SP9: variants seen among roughly 807,000 people sequenced by gnomAD.
SP9 encodes transcription factor Sp9.
SP9 carries 5 observed loss-of-function variants against 23.0 expected under a neutral mutation model. That is an observed-to-expected ratio of 0.22 (90% CI 0.11 to 0.46). The LOEUF (loss-of-function observed/expected upper bound fraction) is 0.46. Among genes scored for constraint, SP9 ranks in the 20% least tolerant of loss-of-function variants. The pLI is 0.99. For missense variants in SP9, 542 were observed against 724.0 expected (o/e 0.75, Z 2.88); for synonymous variants, 360 against 356.5 (o/e 1.01, Z -0.11).
Position 174,336,978 on chromosome 2 carries a change from C to T in SP9, c.893C>T (p.Ser298Phe). 7.0e-7 allele frequency: 1 copy of T among 1,431,450 alleles called. No individual in the cohort carries two copies. Among genetic ancestry groups the T allele is most frequent in the East Asian group, 2.9e-5 (1 of 34,026 alleles). The allele number at this position is 1,431,450 out of a possible 1,614,324, so 88.7% of individuals were successfully genotyped here. ...GCCGCCGGGGGGAGCTCGGCACGCT[C>T]TGCCCGCCGCTACTCGGGCCGCGCC... ...AAAAGGSSARSARRYSGRATC... is the reference protein window; with the variant it reads ...AAAAGGSSARFARRYSGRATC... The change falls in exon 2 of 2, where the codon TCT becomes TTT. Residue 298 changes from serine (S) to phenylalanine (F), a missense_variant. By Grantham distance (155) the Ser-to-Phe change is radical. Transcript: ENST00000394967.
Position 174,337,271 on chromosome 2 carries a change from G to A in SP9, c.1186G>A (p.Val396Met), listed in dbSNP as rs761751792. ...HTGEKRFACP[V>M]CNKRFMRSDH... Reference sequence around the variant, plus strand: ...GGGCGAGAAGCGCTTCGCCTGTCCGGTGTGCAACAAGCGCTTCATGCGCAG... The same window carrying A: ...GGGCGAGAAGCGCTTCGCCTGTCCGATGTGCAACAAGCGCTTCATGCGCAG... The change falls in exon 2 of 2, where the codon GTG (valine) becomes ATG (methionine). Residue 396 changes from valine (V) to methionine (M), a missense_variant. Physicochemically the swap from Val to Met is conservative, Grantham distance 21 (BLOSUM62 1). Coordinates refer to ENST00000394967, the MANE Select transcript of SP9 (RefSeq NM_001145250.2). 50 of 1,562,830 alleles carry A rather than the reference G, an allele frequency of 3.2e-5. No homozygotes were observed. Among genetic ancestry groups the A allele is most frequent in the East Asian group, 4.8e-5 (2 of 41,602 alleles).
chr2:174,336,860 G>A lies in SP9; in HGVS notation c.775G>A (p.Gly259Ser). 1 of 1,522,054 alleles carries A rather than the reference G, an allele frequency of 6.6e-7. No individual in the cohort carries two copies. The highest frequency in any genetic ancestry group is 8.8e-7 in the Non-Finnish European group (1 of 1,141,022). The allele number at this position is 1,522,054 out of a possible 1,614,324, so 94.3% of individuals were successfully genotyped here. A position where few individuals can be genotyped will look rare whatever the true frequency, so the allele number is the denominator to read the frequency against. Reference sequence around the variant, plus strand: ...CAGCCAGCACCTGCTGGCCCAGGACGGCTTCAAGCCGGTGTTGCCCTCCTA... The same window carrying A: ...CAGCCAGCACCTGCTGGCCCAGGACAGCTTCAAGCCGGTGTTGCCCTCCTA... ...STSQHLLAQDGFKPVLPSYSD... is the reference protein window; with the variant it reads ...STSQHLLAQDSFKPVLPSYSD... Residue 259 changes from glycine (G) to serine (S), a missense_variant, in exon 2 of 2, where the codon GGC becomes AGC. By Grantham distance (56) the Gly-to-Ser change is moderately conservative. This residue lies in a region of SP9 where 144 missense variants were observed against 158.7 expected (regional missense o/e 0.91). Transcript: ENST00000394967.
rs2105511058 is a variant in SP9 at position 174,338,416 on chromosome 2, AAAG to A, written c.*879_*881del. ...ACAAACACGTAAGTTAAGGTCATCT[AAAG>A]AAATTAAATGCGTTTATCTGTATCA... On this transcript the variant is annotated 3_prime_UTR_variant, in exon 2 of 2. Coordinates refer to ENST00000394967, the MANE Select transcript of SP9 (RefSeq NM_001145250.2). The A allele has an allele frequency of 6.6e-6, 1 of 152,364 alleles. No homozygotes were observed. Among genetic ancestry groups the A allele is most frequent in the Non-Finnish European group, 1.5e-5 (1 of 68,040 alleles). 9.4% of individuals were successfully genotyped at this position (152,364 alleles called of 1,614,324 possible).
chr2:174,337,709 C>G lies in SP9; in HGVS notation c.*169C>G, dbSNP rs148688134. On this transcript the variant is annotated 3_prime_UTR_variant, in exon 2 of 2. Transcript: ENST00000394967. Reference sequence around the variant, plus strand: ...CTCAGGGCTCCCGGGCTGCGGTTCGCCCGCTGTGCGAGGAGCTCCCCTCTG... The same window carrying G: ...CTCAGGGCTCCCGGGCTGCGGTTCGGCCGCTGTGCGAGGAGCTCCCCTCTG... 243 of 875,930 alleles carry G rather than the reference C, an allele frequency of 2.8e-4. 1 individual carries two copies. The African/African-American group carries it at 4.0e-3, about 15-fold the overall frequency. The allele number at this position is 875,930 out of a possible 1,614,324, so 54.3% of individuals were successfully genotyped here. A position where few individuals can be genotyped will look rare whatever the true frequency, so the allele number is the denominator to read the frequency against.
In SP9 at chr2:174,336,969, C is replaced by T. The variant is rs1178155508; in HGVS notation, c.884C>T (p.Ser295Leu). 1.4e-6 allele frequency: 2 copies of T among 1,433,390 alleles called. No individual in the cohort carries two copies. Among genetic ancestry groups the T allele is most frequent in the Non-Finnish European group, 1.8e-6 (2 of 1,105,488 alleles). The allele number at this position is 1,433,390 out of a possible 1,614,324, so 88.8% of individuals were successfully genotyped here. A position where few individuals can be genotyped will look rare whatever the true frequency, so the allele number is the denominator to read the frequency against. The change falls in exon 2 of 2, where the codon TCG (serine) becomes TTG (leucine). Residue 295 changes from serine to leucine, a missense_variant. This residue lies in a region of SP9 where 56 missense variants were observed against 97.8 expected (regional missense o/e 0.57). Coordinates refer to ENST00000394967, the MANE Select transcript of SP9 (RefSeq NM_001145250.2). ...GAAAAAAGGS[S>L]ARSARRYSGR... ...GCGGCTGCCGCCGCCGGGGGGAGCTCGGCACGCTCTGCCCGCCGCTACTCG... is the reference window on the plus strand; with the variant it reads ...GCGGCTGCCGCCGCCGGGGGGAGCTTGGCACGCTCTGCCCGCCGCTACTCG...
At position 174,337,029 on chromosome 2, in the gene SP9, A is replaced by G. The variant is rs1684427381; in HGVS notation, c.944A>G (p.Glu315Gly). The change falls in exon 2 of 2, where the codon GAG becomes GGG. Residue 315 changes from glutamate to glycine, a missense_variant. Glu to Gly is a moderately conservative substitution (Grantham distance 98, BLOSUM62 -2). Around this residue, in one of 8 missense-constraint regions of SP9, gnomAD observed 56 missense variants for 97.8 expected, o/e 0.57. Transcript: ENST00000394967. ...RATCDCPNCQ[E>G]AERLGPAGAS... ...ACCTGCGACTGCCCCAACTGCCAGG[A>G]GGCGGAGCGGCTGGGCCCGGCCGGG... is the stretch of plus-strand genomic sequence containing the variant. 6.6e-7 allele frequency: 1 copy of G among 1,516,534 alleles called. No individual in the cohort carries two copies. Among genetic ancestry groups the G allele is most frequent in the Admixed American group, 2.1e-5 (1 of 47,610 alleles). 93.9% of individuals were successfully genotyped at this position (1,516,534 alleles called of 1,614,324 possible).
In SP9 at chr2:174,337,792, T is replaced by C. The variant is rs1259491137; in HGVS notation, c.*252T>C. 6 of 233,508 alleles carry C rather than the reference T, an allele frequency of 2.6e-5. No homozygotes were observed. Among genetic ancestry groups the C allele is most frequent in the Non-Finnish European group, 4.4e-5 (6 of 135,486 alleles). The allele number at this position is 233,508 out of a possible 1,614,324, so 14.5% of individuals were successfully genotyped here. A position where few individuals can be genotyped will look rare whatever the true frequency, so the allele number is the denominator to read the frequency against. On this transcript the variant is annotated 3_prime_UTR_variant, in exon 2 of 2. Transcript: ENST00000394967. ...GTCCGGAAACAAAAGCGAACCATCCTCCGACACAAACACTTTAAAAACTGT... is the reference window on the plus strand; with the variant it reads ...GTCCGGAAACAAAAGCGAACCATCCCCCGACACAAACACTTTAAAAACTGT...
rs1684408659 is a variant in SP9 at position 174,336,196 on chromosome 2, A to G, written c.111A>G (p.Pro37=). The change falls in exon 2 of 2, where the codon CCA becomes CCG. Residue 37 remains proline, a synonymous_variant. Coordinates refer to ENST00000394967, the MANE Select transcript of SP9 (RefSeq NM_001145250.2). ...ACACGAGCCCGCTGACGACGCTGCC[A>G]GAGTCGAGCGCCTTCGCCAAAGGCG... ...IGNTSPLTTL[P]ESSAFAKGGF... 1 of 1,550,366 alleles carries G rather than the reference A, an allele frequency of 6.5e-7. No individual in the cohort carries two copies. Among genetic ancestry groups the G allele is most frequent in the Non-Finnish European group, 8.7e-7 (1 of 1,146,442 alleles).
chr2:174,336,445 CG>C lies in SP9; in HGVS notation c.364del (p.Val122CysfsTer51). 3 of 1,473,844 alleles carry C rather than the reference CG, an allele frequency of 2.0e-6. No individual in the cohort carries two copies. The highest frequency in any genetic ancestry group is 2.6e-5 in the Admixed American group (1 of 38,702). 91.3% of individuals were successfully genotyped at this position (1,473,844 alleles called of 1,614,324 possible). Reference sequence around the variant, plus strand: ...CGGCGGCTGCCGCGGCGGCAGCGGCCGGGGTGTCCCCGCAGGAGGCGGGTGG... The same window carrying C: ...CGGCGGCTGCCGCGGCGGCAGCGGCCGGGTGTCCCCGCAGGAGGCGGGTGG... ...NSAAAAAAAA[G>X]VSPQEAGGQS... On this transcript the variant is annotated frameshift_variant, in exon 2 of 2. Transcript: ENST00000394967. LOFTEE classifies it high-confidence loss of function.
At chr2:174,335,381 T>G (rs1374556738) in intron 1 of SP9, 3 of 500,372 alleles carry the variant, frequency 6.0e-6, no homozygotes, top group Non-Finnish European at 1.1e-5. Context: ...CCCTCGTGAT[T>G]TATACCCCAT....
rs1373653792 is a variant in SP9, at chr2:174,336,817, C to T, written c.732C>T (p.Ala244=). 4 of 1,527,658 alleles carry T rather than the reference C, an allele frequency of 2.6e-6. No individual in the cohort carries two copies. The African/African-American group carries it at 5.6e-5, about 21-fold the overall frequency. 94.6% of individuals were successfully genotyped at this position (1,527,658 alleles called of 1,614,324 possible). A position where few individuals can be genotyped will look rare whatever the true frequency, so the allele number is the denominator to read the frequency against. Residue 244 remains alanine (A), a synonymous_variant, in exon 2 of 2, where the codon GCC becomes GCT. Coordinates refer to ENST00000394967, the MANE Select transcript of SP9 (RefSeq NM_001145250.2). ...GCCTCGGCTCCTCCGCCGCCGCCGC[C>T]TCCCACCTGCTCTCCACCAGCCAGC... ...STGLGSSAAA[A]SHLLSTSQHL... is the part of the protein sequence containing the mutation.
intron 1 of SP9, chr2:174,335,673 G>C: frequency 5.5e-6 from 1 of 182,630 alleles, no homozygotes. Flanking sequence ...TGCAAGTTTC[G>C]CCCGTCCCTG....
intron 1 of SP9, chr2:174,335,396 C>G: frequency 2.1e-6 from 1 of 475,762 alleles, no homozygotes; most frequent in Middle Eastern, 5.6e-4. Flanking sequence ...CCCCATCCCC[C>G]GCATTGCTTT....
In SP9 at chr2:174,336,395, G is replaced by C. The variant is rs1266262648; in HGVS notation, c.310G>C (p.Asp104His). ...GCCCACGTCGTCCGCCTTCAGCAGC[G>C]ACTACGGCGGCCTCTTCTCCAACTC... The part of the protein sequence containing the change: ...TSPTSSAFSS[D>H]YGGLFSNSAA... The change falls in exon 2 of 2, where the codon GAC becomes CAC. Residue 104 changes from aspartate (D) to histidine (H), a missense_variant. Transcript: ENST00000394967. 4 of 1,487,500 alleles carry C rather than the reference G, an allele frequency of 2.7e-6. No individual in the cohort carries two copies. Among genetic ancestry groups the C allele is most frequent in the Non-Finnish European group, 3.5e-6 (4 of 1,126,994 alleles). The allele number at this position is 1,487,500 out of a possible 1,614,324, so 92.1% of individuals were successfully genotyped here.
chr2:174,337,277 A>C lies in SP9; in HGVS notation c.1192A>C (p.Asn398His). 6.4e-7 allele frequency: 1 copy of C among 1,560,848 alleles called. No individual in the cohort carries two copies. The highest frequency in any genetic ancestry group is 8.7e-7 in the Non-Finnish European group (1 of 1,152,600). The part of the protein sequence containing the change: ...GEKRFACPVC[N>H]KRFMRSDHLS... ...GAAGCGCTTCGCCTGTCCGGTGTGC[A>C]ACAAGCGCTTCATGCGCAGCGACCA... Residue 398 changes from asparagine to histidine, a missense_variant, in exon 2 of 2, where the codon AAC becomes CAC. By Grantham distance (68) the Asn-to-His change is moderately conservative. This residue lies in a region of SP9 where 31 missense variants were observed against 16.7 expected (regional missense o/e 1.85). Coordinates refer to ENST00000394967, the MANE Select transcript of SP9 (RefSeq NM_001145250.2).
chr2:174,335,417 T>C, intron 1 of SP9: 1 of 425,188 alleles, frequency 2.4e-6, no homozygotes. Flanking sequence ...GGGGATTTTG[T>C]TGCAATTATG....
Position 174,336,747 on chromosome 2 carries a change from A to C in SP9, c.662A>C (p.Asn221Thr). The change falls in exon 2 of 2, where the codon AAC (asparagine) becomes ACC (threonine). Residue 221 changes from asparagine (N) to threonine (T), a missense_variant. Asn to Thr is a moderately conservative substitution (Grantham distance 65). This residue lies in a region of SP9 where 144 missense variants were observed against 158.7 expected (regional missense o/e 0.91). Transcript: ENST00000394967. ...ASLHSQLGTY[N>T]PDFSSLTHSA... ...CTGCACTCGCAGCTGGGCACCTACA[A>C]CCCCGACTTCAGCTCGCTCACGCAC... is the stretch of plus-strand genomic sequence containing the variant. The C allele has an allele frequency of 6.5e-7, 1 of 1,531,980 alleles. No homozygotes were observed. The highest frequency in any genetic ancestry group is 8.7e-7 in the Non-Finnish European group (1 of 1,145,068). The allele number at this position is 1,531,980 out of a possible 1,614,324, so 94.9% of individuals were successfully genotyped here.
chr2:174,336,645 C>A lies in SP9; in HGVS notation c.560C>A (p.Pro187Gln). ...TCGTGGTGGGACGTGCACAGCAGCC[C>A]GGGCTCGTGGCTGGAAGTGCAGAAC... ...ASSWWDVHSS[P>Q]GSWLEVQNPA... The change falls in exon 2 of 2, where the codon CCG becomes CAG. Residue 187 changes from proline (P) to glutamine (Q), a missense_variant. Around this residue, in one of 8 missense-constraint regions of SP9, gnomAD observed 144 missense variants for 158.7 expected, o/e 0.91. Transcript: ENST00000394967. The A allele has an allele frequency of 6.7e-7, 1 of 1,494,482 alleles. No individual in the cohort carries two copies. The highest frequency in any genetic ancestry group is 8.9e-7 in the Non-Finnish European group (1 of 1,127,020). 92.6% of individuals were successfully genotyped at this position (1,494,482 alleles called of 1,614,324 possible). A position where few individuals can be genotyped will look rare whatever the true frequency, so the allele number is the denominator to read the frequency against.
rs1213951986 is a variant in SP9, at chr2:174,337,473, C to A, written c.1388C>A (p.Ala463Glu). The A allele has an allele frequency of 9.0e-7, 1 of 1,108,822 alleles. No individual in the cohort carries two copies. 68.7% of individuals were successfully genotyped at this position (1,108,822 alleles called of 1,614,324 possible). ...ARAAAAAAAA[A>E]AAAAAAASAG... The stretch of plus-strand genomic sequence containing the variant: ...GCGGCGGCAGCGGCGGCGGCGGCAG[C>A]GGCGGCGGCGGCGGCGGCGGCCTCC... Residue 463 changes from alanine (A) to glutamate (E), a missense_variant, in exon 2 of 2, where the codon GCG becomes GAG. Physicochemically the swap from Ala to Glu is moderately radical, Grantham distance 107 (BLOSUM62 -1). This residue lies in a region of SP9 where 55 missense variants were observed against 56.1 expected (regional missense o/e 0.98). Transcript: ENST00000394967.
Sources: allele counts gnomAD v4.1 joint callset, GRCh38; gene constraint gnomAD v4.1.1; regional missense constraint gnomAD v4.1.1; transcripts MANE v1.5; gene names NCBI Gene and HGNC (gene_info 2026-07-23, HGNC 2026-07-21).